Variants in HYAL4 observed in about 807,000 individuals in gnomAD.
The protein encoded by HYAL4 is hyaluronidase 4.
A neutral mutation model predicts 35.2 loss-of-function variants in HYAL4; 37 were observed. That is an observed-to-expected ratio of 1.05 (90% CI 0.81 to 1.38). HYAL4 has a LOEUF of 1.38. HYAL4 is among the 40% of genes most tolerant of loss of function. The pLI, the probability that HYAL4 is intolerant of heterozygous loss-of-function variation, is 0.00. For missense variants in HYAL4, 572 were observed against 572.4 expected (o/e 1.00, Z 0.01); for synonymous variants, 198 against 203.2 (o/e 0.97, Z 0.22).
chr7:123,874,883 T>C, intron 4 of HYAL4, 33 bp downstream of exon 4: 1 of 1,224,136 alleles, frequency 8.2e-7, no homozygotes, highest in Non-Finnish European at 1.2e-6. Flanking sequence ...TATTTAATGT[T>C]TTCTATTAAA....
the HYAL4 span, among the ~76,000 whole-genome samples, chr7:123,801,789 T>C: frequency 6.6e-6 from 1 of 152,218 alleles, no homozygotes; most frequent in Non-Finnish European, 1.5e-5. Flanking sequence ...GCTGTTCATA[T>C]AATTTATTGT....
At chr7:123,843,157 T>G (rs1806102457), upstream of HYAL4, among the ~76,000 whole-genome samples, 1 of 152,046 alleles carries the variant, frequency 6.6e-6, no homozygotes, top group South Asian at 2.1e-4. Context: ...TTTCCATGTT[T>G]AGTGCTTCCT....
chr7:123,796,043 C>T, the HYAL4 span, among the ~76,000 whole-genome samples: 1 of 152,218 alleles, frequency 6.6e-6, no homozygotes, highest in African/African-American at 2.4e-5. Context: ...TATGAGAAGG[C>T]AGGAATCCAA....
chr7:123,817,492 C>G, the HYAL4 span, among the ~76,000 whole-genome samples: 1 of 151,244 alleles, frequency 6.6e-6, no homozygotes, highest in African/African-American at 2.4e-5. Flanking sequence ...TGACCTTCCC[C>G]TCCAATGCAT....
At chr7:123,858,596 A>T (rs960503486) in intron 2 of HYAL4, among the ~76,000 whole-genome samples, 2 of 152,144 alleles carry the variant, frequency 1.3e-5, no homozygotes, top group African/African-American at 4.8e-5. Flanking sequence ...TCCCATATTT[A>T]TAAATTAGAA....
At chr7:123,874,906 C>A in intron 4 of HYAL4, 56 bp downstream of exon 4, 1 of 1,052,426 alleles carries the variant, frequency 9.5e-7, no homozygotes, top group Non-Finnish European at 1.5e-6. Flanking sequence ...TATTTCTCTG[C>A]TTTCTTGGAG....
At chr7:123,865,474 C>T (rs1563002130) in intron 2 of HYAL4, among the ~76,000 whole-genome samples, 1 of 152,166 alleles carries the variant, frequency 6.6e-6, no homozygotes, top group Non-Finnish European at 1.5e-5. Context: ...TTTAGAGCTA[C>T]AGTATGATAT....
chr7:123,819,893 T>TC, the HYAL4 span, among the ~76,000 whole-genome samples: 2 of 148,974 alleles, frequency 1.3e-5, no homozygotes, highest in African/African-American at 4.9e-5. Context: ...TTCTTTTTTT[T>TC]TCTTTTTTTT....
chr7:123,795,837 C>CAAGGAA, the HYAL4 span, among the ~76,000 whole-genome samples: 106 of 152,070 alleles, frequency 7.0e-4, 1 homozygote, highest in East Asian at 0.019. Flanking sequence ...GTTTAGTTAC[C>CAAGGAA]AAGGAAGAGG....
At position 123,869,184 on chromosome 7, in the gene HYAL4, C is replaced by T; in HGVS notation, c.911C>T (p.Thr304Ile). Residue 304 changes from threonine (T) to isoleucine (I), a missense_variant, in exon 3 of 5, where the codon ACA becomes ATA. Coordinates refer to ENST00000223026, the MANE Select transcript of HYAL4 (RefSeq NM_012269.3). ...TATGCTCTGCCTGTATTTGTCTACA[C>T]AAGGCTAGGGTACAGAGATGAACCT... ...HDYALPVFVY[T>I]RLGYRDEPLF... is the part of the protein sequence containing the mutation. The T allele has an allele frequency of 6.2e-7, 1 of 1,613,932 alleles. No homozygotes were observed. Among genetic ancestry groups the T allele is most frequent in the Non-Finnish European group, 8.5e-7 (1 of 1,179,910 alleles).
chr7:123,850,538 C>G (rs775048236), intron 2 of HYAL4, among the ~76,000 whole-genome samples: 13 of 152,170 alleles, frequency 8.5e-5, no homozygotes, highest in Admixed American at 2.0e-4. Flanking sequence ...CCGTGCGACT[C>G]TACTTATAAT....
intron 1 of HYAL4, among the ~76,000 whole-genome samples, chr7:123,837,005 G>A (rs1241660264): frequency 6.6e-6 from 1 of 151,570 alleles, no homozygotes; most frequent in Non-Finnish European, 1.5e-5. Flanking sequence ...GGGCAACAAA[G>A]CGAGACTACA....
At chr7:123,812,004 G>A in the HYAL4 span, among the ~76,000 whole-genome samples, 6 of 151,976 alleles carry the variant, frequency 3.9e-5, no homozygotes, top group Non-Finnish European at 7.4e-5. Context: ...ACCACACGTG[G>A]CTAATTTTTG....
the HYAL4 span, among the ~76,000 whole-genome samples, chr7:123,795,255 C>T: frequency 6.6e-6 from 1 of 152,140 alleles, no homozygotes; most frequent in Admixed American, 6.5e-5. Context: ...GGCTCTTAAG[C>T]AGAAGGGACT....
chr7:123,763,956 C>G, the HYAL4 span, among the ~76,000 whole-genome samples: 1 of 152,190 alleles, frequency 6.6e-6, no homozygotes, highest in African/African-American at 2.4e-5. Context: ...CCCAGTGTGT[C>G]TCTCAGGCAA....
chr7:123,791,819 A>G, the HYAL4 span, among the ~76,000 whole-genome samples: 3 of 152,220 alleles, frequency 2.0e-5, no homozygotes, highest in Non-Finnish European at 4.4e-5. Flanking sequence ...TCTTAAAAAG[A>G]TGCTCAAGAC....
the HYAL4 span, among the ~76,000 whole-genome samples, chr7:123,768,212 C>T: frequency 1.3e-5 from 2 of 152,174 alleles, no homozygotes; most frequent in Non-Finnish European, 2.9e-5. Flanking sequence ...AACTACAGTA[C>T]TACATAACCT....
At chr7:123,780,685 A>G in the HYAL4 span, among the ~76,000 whole-genome samples, 1 of 152,020 alleles carries the variant, frequency 6.6e-6, no homozygotes, top group Non-Finnish European at 1.5e-5. Flanking sequence ...CTGTGTAGAA[A>G]GAAGTAGACA....
At chr7:123,864,492 G>A (rs1237542635) in intron 2 of HYAL4, among the ~76,000 whole-genome samples, 1 of 152,068 alleles carries the variant, frequency 6.6e-6, no homozygotes, top group Non-Finnish European at 1.5e-5. Flanking sequence ...TTGCCTAGGC[G>A]GATTATGGAA....
Sources: gnomAD v4.1 joint callset for allele counts (sites outside exome capture counted in the v4.1 genomes callset) on GRCh38, gnomAD v4.1.1 for gene constraint, MANE v1.5 for transcripts, NCBI Gene and HGNC (gene_info 2026-07-23, HGNC 2026-07-21) for gene names.